Variants in MYRFL observed in about 807,000 individuals in gnomAD.
MYRFL encodes myelin regulatory factor like, also known as myelin regulatory factor-like protein.
Under a neutral mutation model 109.4 loss-of-function variants are expected in MYRFL, and 88 were observed. That is an observed-to-expected ratio of 0.80 (90% CI 0.68 to 0.96). The LOEUF (loss-of-function observed/expected upper bound fraction) is 0.96, where lower values mean the gene tolerates loss of function less well. MYRFL is among the 40% of genes least tolerant of loss of function. The probability of loss-of-function intolerance (pLI) is 0.00; values close to 1 mark genes in which losing one functional copy is unlikely to be tolerated. For missense variants in MYRFL, 957 were observed against 954.9 expected (o/e 1.00, Z -0.03); for synonymous variants, 324 against 320.9 (o/e 1.01, Z -0.10).
At chr12:69,863,058 A>T in intron 2 of MYRFL, among the ~76,000 whole-genome samples, 1 of 151,700 alleles carries the variant, frequency 6.6e-6, no homozygotes, top group East Asian at 1.9e-4. Flanking sequence ...ACATTTATTG[A>T]TTTGCATATA....
intron 1 of MYRFL, among the ~76,000 whole-genome samples, chr12:69,851,777 G>A (rs939213595): frequency 2.0e-5 from 3 of 152,128 alleles, no homozygotes; most frequent in Admixed American, 1.3e-4. Context: ...ACCCACCTTA[G>A]CCTCCTGAGA....
chr12:69,895,950 C>T (rs144854340), intron 9 of MYRFL, among the ~76,000 whole-genome samples: 46 of 152,228 alleles, frequency 3.0e-4, no homozygotes, highest in Non-Finnish European at 5.6e-4. Context: ...ATTAAAAATG[C>T]GAGTTCTCGG....
At chr12:69,930,015 A>G (rs1028131839) in intron 15 of MYRFL, among the ~76,000 whole-genome samples, 1 of 152,224 alleles carries the variant, frequency 6.6e-6, no homozygotes. Context: ...AGGGAGCTCA[A>G]TAAAACACAA....
chr12:69,905,974 C>G (rs1954344773), intron 11 of MYRFL, among the ~76,000 whole-genome samples: 1 of 152,078 alleles, frequency 6.6e-6, no homozygotes, highest in Admixed American at 6.5e-5. Context: ...GGGATCTGAC[C>G]CTTGGTCAAT....
intron 5 of MYRFL, among the ~76,000 whole-genome samples, chr12:69,885,637 A>G (rs1201814570): frequency 6.6e-6 from 1 of 152,214 alleles, no homozygotes; most frequent in Admixed American, 6.5e-5. Context: ...ATACCATTTT[A>G]CATAAAAATT....
At chr12:69,948,784 G>A (rs1002743377) in intron 19 of MYRFL, among the ~76,000 whole-genome samples, 1 of 152,142 alleles carries the variant, frequency 6.6e-6, no homozygotes, top group Non-Finnish European at 1.5e-5. Context: ...GCACCATGTT[G>A]GGTTCAGAAA....
chr12:69,958,251 A>C lies in MYRFL; in HGVS notation c.2574A>C (p.Gly858=). Residue 858 remains glycine (G), a splice_region_variant and synonymous_variant, in exon 24 of 25, where the codon GGA becomes GGC. Coordinates refer to ENST00000552032, the MANE Select transcript of MYRFL (RefSeq NM_182530.3). The part of the protein sequence containing the change: ...HREISQEMTQ[G]YQHIWSLPVA... ...ATCCTCTTTTATTCACTATTTAGGGATATCAGCACATTTGGAGCCTCCCTG... is the reference window on the plus strand; with the variant it reads ...ATCCTCTTTTATTCACTATTTAGGGCTATCAGCACATTTGGAGCCTCCCTG... 1 of 1,535,550 alleles carries C rather than the reference A, an allele frequency of 6.5e-7. No homozygotes were observed.
chr12:69,906,254 C>T (rs1450665520), intron 11 of MYRFL, among the ~76,000 whole-genome samples: 1 of 152,022 alleles, frequency 6.6e-6, no homozygotes, highest in African/African-American at 2.4e-5. Flanking sequence ...GACACAGATC[C>T]AAGACATGGA....
chr12:69,835,049 T>C (rs1882853756), intron 1 of MYRFL, among the ~76,000 whole-genome samples: 1 of 152,240 alleles, frequency 6.6e-6, no homozygotes, highest in African/African-American at 2.4e-5. Context: ...CTGTAAGAAG[T>C]TCTGAAGTTG....
chr12:69,900,604 G>C (rs768870291), intron 10 of MYRFL, among the ~76,000 whole-genome samples: 14 of 152,076 alleles, frequency 9.2e-5, no homozygotes, highest in Non-Finnish European at 2.1e-4. Flanking sequence ...AGTATTTCTA[G>C]GTCCTTTTTC....
intron 5 of MYRFL, among the ~76,000 whole-genome samples, chr12:69,881,588 G>C (rs1463103561): frequency 1.3e-5 from 2 of 152,206 alleles, no homozygotes; most frequent in Non-Finnish European, 2.9e-5. Context: ...GTGGGCTGTG[G>C]AGGCCTTCTG....
At chr12:69,933,603 A>G (rs1955340595) in intron 16 of MYRFL, among the ~76,000 whole-genome samples, 1 of 151,992 alleles carries the variant, frequency 6.6e-6, no homozygotes, top group African/African-American at 2.4e-5. Context: ...CTTGTTCCTT[A>G]GTGTTTTTGC....
intron 15 of MYRFL, 125 bp downstream of exon 15, chr12:69,927,873 AC>A (rs1203953801): frequency 2.4e-6 from 2 of 817,134 alleles, no homozygotes; most frequent in East Asian, 2.7e-5. Context: ...ATCCTTATGT[AC>A]TATATGTGTT....
chr12:69,950,066 A>G (rs1447904765), intron 19 of MYRFL, among the ~76,000 whole-genome samples: 1 of 152,144 alleles, frequency 6.6e-6, no homozygotes, highest in East Asian at 1.9e-4. Flanking sequence ...AATTTCCTCT[A>G]ACATTTCATG....
chr12:69,851,549 G>T (rs952848438), intron 1 of MYRFL, among the ~76,000 whole-genome samples: 3 of 152,174 alleles, frequency 2.0e-5, no homozygotes, highest in Non-Finnish European at 2.9e-5. Flanking sequence ...CTTTTACAGT[G>T]AGGAAAGCTG....
intron 15 of MYRFL, 95 bp from the exon 16 acceptor site, chr12:69,932,418 G>A (rs1010549513): frequency 2.7e-5 from 21 of 770,914 alleles, no homozygotes; most frequent in Non-Finnish European, 4.1e-5. Flanking sequence ...TCCCAAGAGA[G>A]CAGCAAATAC....
chr12:69,891,637 T>TTC lies in MYRFL; in HGVS notation c.903+472_903+473insCT. 5.2e-3 allele frequency among the ~76,000 whole-genome samples: 278 copies of TTC among 53,578 alleles called. 7 individuals are homozygous for TTC. Among genetic ancestry groups the TTC allele is most frequent in the African/African-American group, 5.8e-3 (102 of 17,628 alleles). The allele number at this position is 53,578 out of a possible 152,430, so 35.1% of individuals were successfully genotyped here. ...TTTCTTTCTTTCCTCCTTCCTTTCT[T>TTC]TTTCTTTCTTTCTTTCTTTCTTTCT... On this transcript the variant is annotated intron_variant, in intron 7 of 24. Transcript: ENST00000552032.
chr12:69,855,287 A>ACT lies in MYRFL; in HGVS notation c.54_55insCT (p.Ala19LeufsTer58), dbSNP rs1392154182. On this transcript the variant is annotated frameshift_variant, in exon 2 of 25. Coordinates refer to ENST00000552032, the MANE Select transcript of MYRFL (RefSeq NM_182530.3). LOFTEE classifies it high-confidence loss of function. ...TTCAATTTGCCTTTGCAGCTCAGGG[A>ACT]GCCAATGGTACTCTGGAGAACCCAG... The ACT allele has an allele frequency of 1.4e-6, 1 of 701,822 alleles. No individual in the cohort carries two copies. The highest frequency in any genetic ancestry group is 1.5e-5 in the South Asian group (1 of 67,404). The allele number at this position is 701,822 out of a possible 1,614,324, so 43.5% of individuals were successfully genotyped here.
At chr12:69,915,650 A>T (rs933697173) in intron 13 of MYRFL, among the ~76,000 whole-genome samples, 1 of 152,026 alleles carries the variant, frequency 6.6e-6, no homozygotes, top group Non-Finnish European at 1.5e-5. Flanking sequence ...GCCTCTTCTC[A>T]TATATTCCCC....
Sources: gnomAD v4.1 joint callset for allele counts (sites outside exome capture counted in the v4.1 genomes callset) on GRCh38, gnomAD v4.1.1 for gene constraint, MANE v1.5 for transcripts, NCBI Gene and HGNC (gene_info 2026-07-23, HGNC 2026-07-21) for gene names.